DPY19L2: variants seen among roughly 807,000 people sequenced by gnomAD.
The protein encoded by DPY19L2 is dpy-19 like 2.
In DPY19L2, 34 loss-of-function variants were observed where a neutral mutation model predicts 97.9. The observed-to-expected ratio is 0.35, with a 90% CI of 0.26 to 0.46. The LOEUF (loss-of-function observed/expected upper bound fraction) is 0.46, where lower values mean the gene tolerates loss of function less well. Ranked by LOEUF, DPY19L2 falls within the 20% of genes least tolerant of loss-of-function variation. The pLI is 1.00. For missense variants in DPY19L2, 623 were observed against 911.4 expected (o/e 0.68, Z 4.07); for synonymous variants, 230 against 307.9 (o/e 0.75, Z 2.65).
chr12:63,634,543 C>T (rs1158700121), intron 6 of DPY19L2, among the ~76,000 whole-genome samples: 2 of 152,140 alleles, frequency 1.3e-5, no homozygotes, highest in African/African-American at 2.4e-5. Context: ...CAAGGGAAGC[C>T]GTGATAGACA....
chr12:63,662,955 G>A (rs1301417095), intron 3 of DPY19L2, among the ~76,000 whole-genome samples: 7 of 152,044 alleles, frequency 4.6e-5, no homozygotes, highest in African/African-American at 1.7e-4. Flanking sequence ...TTTCTGTTTG[G>A]GATAGCAAAA....
At chr12:63,592,713 C>G (rs1171211240) in intron 16 of DPY19L2, among the ~76,000 whole-genome samples, 5 of 148,812 alleles carry the variant, frequency 3.4e-5, no homozygotes, top group African/African-American at 1.2e-4. Flanking sequence ...CATTACCATT[C>G]AGGACATAGG....
intron 12 of DPY19L2, among the ~76,000 whole-genome samples, chr12:63,600,784 GA>G (rs1375820316): frequency 6.6e-6 from 1 of 150,436 alleles, no homozygotes; most frequent in Non-Finnish European, 1.5e-5. Context: ...AAATCTAAAG[GA>G]AGTTTTTTTT....
intron 15 of DPY19L2, 89 bp from the exon 16 acceptor site, chr12:63,594,222 A>G (rs1430898522): frequency 1.0e-6 from 1 of 1,003,490 alleles, no homozygotes. Context: ...CACTCTGCCA[A>G]GGAAAGAAGT....
chr12:63,607,428 G>T lies in DPY19L2; in HGVS notation c.1278+1188C>A, dbSNP rs570823948. On this transcript the variant is annotated intron_variant, in intron 12 of 21. Transcript: ENST00000324472. ...GTGACCTGGGTAAAGAGTCAAATTG[G>T]TAGAACCAACAAAGAATAATAAAAA... Among the ~76,000 whole-genome samples, 5 of 152,196 alleles carry T rather than the reference G, an allele frequency of 3.3e-5. No homozygotes were observed. The South Asian group carries it at 1.0e-3, about 32-fold the overall frequency.
At chr12:63,636,128 T>C (rs917195721) in intron 6 of DPY19L2, among the ~76,000 whole-genome samples, 1 of 152,058 alleles carries the variant, frequency 6.6e-6, no homozygotes, top group Non-Finnish European at 1.5e-5. Flanking sequence ...ATATTCAACA[T>C]TCTTAAAGAA....
intron 19 of DPY19L2, among the ~76,000 whole-genome samples, chr12:63,573,847 A>G (rs1289315046): frequency 6.6e-6 from 1 of 152,132 alleles, no homozygotes; most frequent in African/African-American, 2.4e-5. Context: ...ATGTCCTTCA[A>G]ACCTAAAGGA....
intron 1 of DPY19L2, among the ~76,000 whole-genome samples, chr12:63,667,091 C>T (rs530205491): frequency 9.9e-5 from 15 of 152,190 alleles, no homozygotes; most frequent in African/African-American, 3.4e-4. Flanking sequence ...CAAAGTATGG[C>T]CCATGGTGCA....
At chr12:63,664,739 G>A (rs536291846) in intron 2 of DPY19L2, among the ~76,000 whole-genome samples, 1 of 152,326 alleles carries the variant, frequency 6.6e-6, no homozygotes, top group Admixed American at 6.5e-5. Flanking sequence ...GCTAAGTTAT[G>A]TAGTCAGACT....
intron 21 of DPY19L2, among the ~76,000 whole-genome samples, chr12:63,568,004 G>A (rs1356638114): frequency 4.6e-5 from 7 of 151,778 alleles, no homozygotes; most frequent in Non-Finnish European, 7.4e-5. Context: ...TGAGCTTAGC[G>A]GATCTCTAAG....
intron 16 of DPY19L2, chr12:63,591,005 A>G (rs1352016055): frequency 2.2e-6 from 1 of 453,578 alleles, no homozygotes; most frequent in African/African-American, 2.0e-5. Context: ...ATACCCTTCA[A>G]TCTTCTATTA....
At chr12:63,568,945 A>C (rs1026282511) in intron 21 of DPY19L2, among the ~76,000 whole-genome samples, 4 of 151,960 alleles carry the variant, frequency 2.6e-5, no homozygotes, top group African/African-American at 9.7e-5. Context: ...TCTAATAAAA[A>C]TTTTCATAAA....
chr12:63,635,643 C>T (rs954275454), intron 6 of DPY19L2, among the ~76,000 whole-genome samples: 1 of 152,040 alleles, frequency 6.6e-6, no homozygotes, highest in African/African-American at 2.4e-5. Flanking sequence ...GACGCATGCA[C>T]AAGCTTCAGT....
chr12:63,586,602 C>G lies in DPY19L2; in HGVS notation c.1581-2766G>C, dbSNP rs539413002. The stretch of plus-strand genomic sequence containing the variant: ...GTGTGCCTTTCAGAAAATTACTTAC[C>G]TTCTTATTGGTTTCCTCATCTGCAA... On this transcript the variant is annotated intron_variant, in intron 16 of 21. Transcript: ENST00000324472. Among the ~76,000 whole-genome samples the G allele has an allele frequency of 2.0e-5, 3 of 152,254 alleles. No individual in the cohort carries two copies. The South Asian group carries it at 6.2e-4, about 32-fold the overall frequency.
At chr12:63,602,776 C>G (rs977408715) in intron 12 of DPY19L2, among the ~76,000 whole-genome samples, 1 of 151,932 alleles carries the variant, frequency 6.6e-6, no homozygotes, top group African/African-American at 2.4e-5. Context: ...AATTGAGAAC[C>G]AAGAATTTTA....
At chr12:63,655,202 A>C (rs1420982145) in intron 4 of DPY19L2, among the ~76,000 whole-genome samples, 1 of 152,236 alleles carries the variant, frequency 6.6e-6, no homozygotes, top group Non-Finnish European at 1.5e-5. Flanking sequence ...CAGATGGCAA[A>C]TAAGCACAAA....
At chr12:63,594,178 C>A in intron 15 of DPY19L2, 45 bp from the exon 16 acceptor site, 3 of 1,343,080 alleles carry the variant, frequency 2.2e-6, no homozygotes, top group Non-Finnish European at 3.1e-6. Flanking sequence ...AGGAATACTG[C>A]AATATTTAAA....
At chr12:63,624,994 A>G (rs1171497803) in intron 7 of DPY19L2, among the ~76,000 whole-genome samples, 1 of 152,198 alleles carries the variant, frequency 6.6e-6, no homozygotes, top group Non-Finnish European at 1.5e-5. Context: ...TTGAATGACA[A>G]TGCATTTGTT....
At position 63,626,407 on chromosome 12, in the gene DPY19L2, A is replaced by C. The variant is rs962682784; in HGVS notation, c.861+62T>G. 3 of 1,471,958 alleles carry C rather than the reference A, an allele frequency of 2.0e-6. No individual in the cohort carries two copies. The African/African-American group carries it at 4.4e-5, about 21-fold the overall frequency. The allele number at this position is 1,471,958 out of a possible 1,614,324, so 91.2% of individuals were successfully genotyped here. ...ACAATTAAATATTGTTTTGATGAGT[A>C]TATTTCCTTGTTCCTCTACAGCCTC... On this transcript the variant is annotated intron_variant, in intron 7 of 21. Coordinates refer to ENST00000324472, the MANE Select transcript of DPY19L2 (RefSeq NM_173812.5).
Sources: gnomAD v4.1 joint callset for allele counts (sites outside exome capture counted in the v4.1 genomes callset) on GRCh38, gnomAD v4.1.1 for gene constraint, MANE v1.5 for transcripts, NCBI Gene and HGNC (gene_info 2026-07-23, HGNC 2026-07-21) for gene names.